The following PRMT1 variants were observed in gnomAD, a reference collection of about 807,000 sequenced individuals.
PRMT1 encodes the protein protein arginine N-methyltransferase 1.
In PRMT1, 5 loss-of-function variants were observed where a neutral mutation model predicts 47.4. The ratio of observed to expected loss-of-function variants is 0.11; its 90% CI spans 0.06 to 0.22. The LOEUF is 0.22. Among genes scored for constraint, PRMT1 ranks in the 10% least tolerant of loss-of-function variants. PRMT1 has a pLI of 1.00. For synonymous variants in PRMT1, 227 were observed against 204.6 expected (o/e 1.11, Z -0.94); for missense variants, 249 against 518.4 (o/e 0.48, Z 5.05).
chr19:49,682,458 A>C (rs771265131), intron 5 of PRMT1, among the ~76,000 whole-genome samples, 199 bp downstream of exon 5: 5 of 152,190 alleles, frequency 3.3e-5, no homozygotes, highest in Non-Finnish European at 7.3e-5. Context: ...AAATTAGGGC[A>C]AGAAGCACTC....
chr19:49,679,417 G>A (rs2082082433), intron 1 of PRMT1, among the ~76,000 whole-genome samples: 1 of 152,184 alleles, frequency 6.6e-6, no homozygotes, highest in Non-Finnish European at 1.5e-5. Context: ...GTTTGCAGAG[G>A]TGGCAGATGC....
chr19:49,685,518 G>GC lies in PRMT1; in HGVS notation c.759+481_759+482insC. 1.0e-6 allele frequency: 1 copy of GC among 989,152 alleles called. No homozygotes were observed. 61.3% of individuals were successfully genotyped at this position (989,152 alleles called of 1,614,324 possible). A position where few individuals can be genotyped will look rare whatever the true frequency, so the allele number is the denominator to read the frequency against. On this transcript the variant is annotated intron_variant, in intron 8 of 10. Transcript: ENST00000454376. The surrounding 1 kb of genome is among the most constrained non-coding windows in gnomAD (Gnocchi z 4.7). Reference sequence around the variant, plus strand: ...ATGTTTTGTTTTGTTTTTTCCTTTTGTTTTTTTTTACTTCTGAGACCCTGT... The same window carrying GC: ...ATGTTTTGTTTTGTTTTTTCCTTTTGCTTTTTTTTTACTTCTGAGACCCTGT...
chr19:49,682,930 C>T (rs903795512), intron 5 of PRMT1, among the ~76,000 whole-genome samples: 39 of 151,850 alleles, frequency 2.6e-4, no homozygotes, highest in Non-Finnish European at 3.8e-4. Context: ...GGATTACAGG[C>T]GCCAGCCACC....
rs1435258529 is a variant in PRMT1, at chr19:49,680,421, C to A, written c.91-66C>A. On this transcript the variant is annotated intron_variant, in intron 2 of 10. Transcript: ENST00000454376. The surrounding 1 kb of genome is among the most constrained non-coding windows in gnomAD (Gnocchi z 4.2). ...CTACTCTTCAGGGAAAAGTAGGGCG[C>A]TGGAGGTTTAAGAGGCTGTGGGGAG... 2.2e-6 allele frequency: 3 copies of A among 1,345,952 alleles called. No individual in the cohort carries two copies. The East Asian group carries it at 6.9e-5, about 31-fold the overall frequency. 83.4% of individuals were successfully genotyped at this position (1,345,952 alleles called of 1,614,324 possible).
chr19:49,677,234 G>T, upstream of PRMT1: 1 of 1,406,962 alleles, frequency 7.1e-7, no homozygotes, highest in Non-Finnish European at 9.3e-7. Context: ...GGAGTGAGGA[G>T]AAAGGGGGGG....
intron 1 of PRMT1, 89 bp from the exon 2 acceptor site, chr19:49,679,783 A>G: frequency 1.1e-6 from 1 of 951,466 alleles, no homozygotes; most frequent in South Asian, 1.4e-5. Context: ...CTGGAAACCC[A>G]CCCCCCGGCC....
rs927672079 is a variant in PRMT1, at chr19:49,685,492, A to G, written c.759+455A>G. The G allele has an allele frequency of 2.0e-6, 2 of 1,024,442 alleles. No individual in the cohort carries two copies. The highest frequency in any genetic ancestry group is 2.3e-6 in the Non-Finnish European group (2 of 853,788). The allele number at this position is 1,024,442 out of a possible 1,614,324, so 63.5% of individuals were successfully genotyped here. On this transcript the variant is annotated intron_variant, in intron 8 of 10. Transcript: ENST00000454376. This position sits in a 1 kb window ranked among gnomAD's most constrained non-coding sequence, Gnocchi z 4.7. ...ATCACTGCACTCCAGCTTTGGTGAC[A>G]ATGTTTTGTTTTGTTTTTTCCTTTT...
rs1212657574 is a variant in PRMT1, at chr19:49,680,301, G to A, written c.91-186G>A. The A allele has an allele frequency of 1.4e-6, 2 of 1,399,416 alleles. No individual in the cohort carries two copies. Among genetic ancestry groups the A allele is most frequent in the South Asian group, 1.2e-5 (1 of 85,146 alleles). The allele number at this position is 1,399,416 out of a possible 1,614,324, so 86.7% of individuals were successfully genotyped here. On this transcript the variant is annotated intron_variant, in intron 2 of 10. Coordinates refer to ENST00000454376, the MANE Select transcript of PRMT1 (RefSeq NM_001536.6). This position sits in a 1 kb window ranked among gnomAD's most constrained non-coding sequence, Gnocchi z 4.2. ...GGTGCTCTGGGGGGGTCCTGGAAGTGGAAAATGGGGTTGTTAGGTTTTGGG... is the reference window on the plus strand; with the variant it reads ...GGTGCTCTGGGGGGGTCCTGGAAGTAGAAAATGGGGTTGTTAGGTTTTGGG...
rs1235637081 is a variant in PRMT1 at position 49,681,009 on chromosome 19, C to T, written c.192+421C>T. ...CATTCTAAGGAATTTTCTTTTCCCC[C>T]TGAGGCCTTTTTCATAAAATTGTGG... On this transcript the variant is annotated intron_variant, in intron 3 of 10. Coordinates refer to ENST00000454376, the MANE Select transcript of PRMT1 (RefSeq NM_001536.6). The surrounding 1 kb of genome is among the most constrained non-coding windows in gnomAD (Gnocchi z 4.4). 6.6e-6 allele frequency among the ~76,000 whole-genome samples: 1 copy of T among 152,268 alleles called. No individual in the cohort carries two copies. The highest frequency in any genetic ancestry group is 6.5e-5 in the Admixed American group (1 of 15,290).
chr19:49,680,158 G>A lies in PRMT1; in HGVS notation c.90+233G>A. ...CTCCAACCCCCCTTTGCCCTTCCCTGTGTCTGCCCCCATTTTCCTTCCCCT... is the reference window on the plus strand; with the variant it reads ...CTCCAACCCCCCTTTGCCCTTCCCTATGTCTGCCCCCATTTTCCTTCCCCT... On this transcript the variant is annotated intron_variant, in intron 2 of 10. Transcript: ENST00000454376. This position sits in a 1 kb window ranked among gnomAD's most constrained non-coding sequence, Gnocchi z 4.2. 2.6e-6 allele frequency: 4 copies of A among 1,540,662 alleles called. No homozygotes were observed. Among genetic ancestry groups the A allele is most frequent in the Non-Finnish European group, 3.5e-6 (4 of 1,129,992 alleles).
rs536998154 is a variant in PRMT1, at chr19:49,688,341, G to A, written c.*96G>A. The stretch of plus-strand genomic sequence containing the variant: ...CTCTCCCTCCCTCCCGCAGAAGGGG[G>A]TTTTAGGGGCCTGGGCTGGGGGGAT... On this transcript the variant is annotated 3_prime_UTR_variant, in exon 11 of 11. Transcript: ENST00000454376. This position sits in a 1 kb window ranked among gnomAD's most constrained non-coding sequence, Gnocchi z 5.3. The A allele has an allele frequency of 1.2e-5, 15 of 1,201,638 alleles. No homozygotes were observed. The African/African-American group carries it at 1.8e-4, about 14-fold the overall frequency. 74.4% of individuals were successfully genotyped at this position (1,201,638 alleles called of 1,614,324 possible). A position where few individuals can be genotyped will look rare whatever the true frequency, so the allele number is the denominator to read the frequency against.
At chr19:49,676,221 G>C (rs1343003342), upstream of PRMT1, 1 of 152,286 alleles carries the variant, frequency 6.6e-6, no homozygotes, top group Non-Finnish European at 1.5e-5. Context: ...CGGAGGCCCA[G>C]AAACCAAAGA....
chr19:49,685,547 A>T lies in PRMT1; in HGVS notation c.759+510A>T, dbSNP rs1347917748. On this transcript the variant is annotated intron_variant, in intron 8 of 10. Coordinates refer to ENST00000454376, the MANE Select transcript of PRMT1 (RefSeq NM_001536.6). The surrounding 1 kb of genome is among the most constrained non-coding windows in gnomAD (Gnocchi z 4.7). ...TTTTTTACTTCTGAGACCCTGTTTA[A>T]AAAAAAAAAATACGGCGATGAGTAT... The T allele has an allele frequency of 9.6e-6, 9 of 934,286 alleles. No individual in the cohort carries two copies. The highest frequency in any genetic ancestry group is 1.1e-4 in the Admixed American group (2 of 17,626). 57.9% of individuals were successfully genotyped at this position (934,286 alleles called of 1,614,324 possible). A position where few individuals can be genotyped will look rare whatever the true frequency, so the allele number is the denominator to read the frequency against.
chr19:49,686,469 C>G, intron 9 of PRMT1, 136 bp from the exon 10 acceptor site: 1 of 1,207,060 alleles, frequency 8.3e-7, no homozygotes, highest in Non-Finnish European at 1.1e-6. Flanking sequence ...GTCTCCAAAG[C>G]TCAATGACAG....
At chr19:49,686,284 A>T (rs780853044) in intron 9 of PRMT1, 41 bp downstream of exon 9, 16 of 1,550,550 alleles carry the variant, frequency 1.0e-5, no homozygotes, top group Non-Finnish European at 1.4e-5. Flanking sequence ...TTCCCGAGCC[A>T]GGGCGGAGGC....
In PRMT1 at chr19:49,680,184, C is replaced by T. The variant is rs1374101540; in HGVS notation, c.90+259C>T. The T allele has an allele frequency of 1.9e-6, 3 of 1,588,514 alleles. No homozygotes were observed. The highest frequency in any genetic ancestry group is 4.6e-5 in the East Asian group (2 of 43,914). ...TGTCTGCCCCCATTTTCCTTCCCCT[C>T]CCCTCCCCAGCTGTGGGCTGAGCTA... On this transcript the variant is annotated intron_variant, in intron 2 of 10. Coordinates refer to ENST00000454376, the MANE Select transcript of PRMT1 (RefSeq NM_001536.6). The surrounding 1 kb of genome is among the most constrained non-coding windows in gnomAD (Gnocchi z 4.2).
chr19:49,683,460 G>A (rs1420082329), intron 5 of PRMT1, among the ~76,000 whole-genome samples: 2 of 151,694 alleles, frequency 1.3e-5, no homozygotes, highest in Non-Finnish European at 2.9e-5. Flanking sequence ...AGGCCGAGGC[G>A]GGCGGATCGT....
Position 49,684,056 on chromosome 19 carries a change from G to T in PRMT1, c.542G>T (p.Arg181Leu). 1 of 1,614,136 alleles carries T rather than the reference G, an allele frequency of 6.2e-7. No homozygotes were observed. The highest frequency in any genetic ancestry group is 8.5e-7 in the Non-Finnish European group (1 of 1,180,008). Residue 181 changes from arginine to leucine, a missense_variant, in exon 6 of 11, where the codon CGG becomes CTG. This residue lies in a region of PRMT1 where 190 missense variants were observed against 456.7 expected (regional missense o/e 0.42). Transcript: ENST00000454376. This position sits in a 1 kb window ranked among gnomAD's most constrained non-coding sequence, Gnocchi z 6.2. ...ESMLNTVLYA[R>L]DKWLAPDGLI... ...ATGCTCAACACCGTGCTCTATGCCC[G>T]GGACAAGTGGCTGGTGAGGCCCCAG...
rs1487667168 is a variant in PRMT1, at chr19:49,680,771, C to T, written c.192+183C>T. On this transcript the variant is annotated intron_variant, in intron 3 of 10. Coordinates refer to ENST00000454376, the MANE Select transcript of PRMT1 (RefSeq NM_001536.6). This position sits in a 1 kb window ranked among gnomAD's most constrained non-coding sequence, Gnocchi z 4.2. ...CGTTGCCTTGGAGACCGAGGTTAGC[C>T]TGAATCTCTGCAGGGGCCTCGCGCC... Among the ~76,000 whole-genome samples the T allele has an allele frequency of 2.0e-5, 3 of 152,260 alleles. No homozygotes were observed. The highest frequency in any genetic ancestry group is 4.8e-5 in the African/African-American group (2 of 41,478).
Sources: allele counts gnomAD v4.1 joint callset (sites outside exome capture counted in the v4.1 genomes callset), GRCh38; gene constraint gnomAD v4.1.1; regional missense constraint gnomAD v4.1.1; non-coding constraint Gnocchi (gnomAD v3.1); transcripts MANE v1.5; gene names NCBI Gene and HGNC (gene_info 2026-07-23, HGNC 2026-07-21).